UBXN4: variants seen among roughly 807,000 people sequenced by gnomAD.
UBXN4 encodes the protein UBX domain-containing protein 4.
In UBXN4, 35 loss-of-function variants were observed where a neutral mutation model predicts 66.2. That is an observed-to-expected ratio of 0.53 (90% CI 0.40 to 0.70). The LOEUF (loss-of-function observed/expected upper bound fraction) is 0.70, where lower values mean the gene tolerates loss of function less well. Among genes scored for constraint, UBXN4 ranks in the 30% least tolerant of loss-of-function variants. UBXN4 has a pLI of 0.00. For synonymous variants in UBXN4, 203 were observed against 204.5 expected (o/e 0.99, Z 0.06); for missense variants, 533 against 599.8 (o/e 0.89, Z 1.16).
At chr2:135,766,147 C>T (rs1056095101) in intron 6 of UBXN4, among the ~76,000 whole-genome samples, 3 of 150,184 alleles carry the variant, frequency 2.0e-5, no homozygotes, top group African/African-American at 7.3e-5. Context: ...GAGAGAAAAG[C>T]CATCTCAAAA....
Position 135,761,902 on chromosome 2 carries a change from G to T in UBXN4, c.593G>T (p.Arg198Leu), listed in dbSNP as rs561544161. The change falls in exon 6 of 13, where the codon CGA becomes CTA. Residue 198 changes from arginine to leucine, a missense_variant. By Grantham distance (102) the Arg-to-Leu change is moderately radical (BLOSUM62 -2). Around this residue, in one of 2 missense-constraint regions of UBXN4, gnomAD observed 529 missense variants for 580.1 expected, o/e 0.91. Transcript: ENST00000272638. ...DQRPAEDLNI[R>L]VERLTKKLEE... Reference sequence around the variant, plus strand: ...AGACCTGCAGAGGACCTCAACATCCGAGTGGAAAGGTTTGCTCTTCTTTTT... The same window carrying T: ...AGACCTGCAGAGGACCTCAACATCCTAGTGGAAAGGTTTGCTCTTCTTTTT... 2 of 1,611,060 alleles carry T rather than the reference G, an allele frequency of 1.2e-6. No homozygotes were observed. Among genetic ancestry groups the T allele is most frequent in the East Asian group, 2.2e-5 (1 of 44,846 alleles).
At chr2:135,779,712 A>T (rs1475039869) in intron 11 of UBXN4, among the ~76,000 whole-genome samples, 2 of 151,668 alleles carry the variant, frequency 1.3e-5, no homozygotes, top group Non-Finnish European at 2.9e-5. Flanking sequence ...CTTAAAAAAT[A>T]GTTGGCTCAT....
At chr2:135,745,417 CAT>C (rs1169870983) in intron 1 of UBXN4, among the ~76,000 whole-genome samples, 4 of 152,178 alleles carry the variant, frequency 2.6e-5, no homozygotes, top group African/African-American at 9.7e-5. Context: ...TATTTTCTCT[CAT>C]AGATTTCTTT....
At chr2:135,767,519 G>A (rs900266159) in intron 6 of UBXN4, among the ~76,000 whole-genome samples, 5 of 152,266 alleles carry the variant, frequency 3.3e-5, no homozygotes, top group East Asian at 1.9e-4. Context: ...ATCATGCAAC[G>A]TGTATTTTTG....
chr2:135,777,996 T>G (rs1327899670), intron 10 of UBXN4, among the ~76,000 whole-genome samples: 1 of 149,564 alleles, frequency 6.7e-6, no homozygotes, highest in African/African-American at 2.5e-5. Flanking sequence ...GCTAACACGG[T>G]GAAACCCCGT....
chr2:135,768,264 T>C (rs745806066), intron 6 of UBXN4, among the ~76,000 whole-genome samples: 18 of 152,112 alleles, frequency 1.2e-4, no homozygotes, highest in Non-Finnish European at 2.2e-4. Context: ...AGTTTCACCA[T>C]CTCGGCTCAC....
intron 1 of UBXN4, chr2:135,747,660 G>A: frequency 2.2e-6 from 1 of 456,134 alleles, no homozygotes; most frequent in Non-Finnish European, 4.4e-6. Flanking sequence ...CTCTCTAGAC[G>A]GTCTCACTGT....
At chr2:135,742,239 C>G (rs1467054029) in intron 1 of UBXN4, among the ~76,000 whole-genome samples, 1 of 152,210 alleles carries the variant, frequency 6.6e-6, no homozygotes, top group Non-Finnish European at 1.5e-5. Flanking sequence ...CCCCGGGCGC[C>G]CCCAGCCTTT....
chr2:135,769,672 A>G, intron 6 of UBXN4, 97 bp from the exon 7 acceptor site: 1 of 911,208 alleles, frequency 1.1e-6, no homozygotes, highest in African/African-American at 1.7e-5. Context: ...TTGTTTCTTT[A>G]TTTCTCCAAT....
At chr2:135,752,588 G>C (rs17653534) in intron 2 of UBXN4, among the ~76,000 whole-genome samples, 1,718 of 152,274 alleles carry the variant, frequency 0.011, 20 homozygotes, top group South Asian at 0.041. Context: ...TAAGTCGTAG[G>C]CCTTATGTCT....
chr2:135,743,015 G>C (rs927966124), intron 1 of UBXN4, among the ~76,000 whole-genome samples: 20 of 152,070 alleles, frequency 1.3e-4, no homozygotes, highest in African/African-American at 4.8e-4. Flanking sequence ...CTGCCTCTAC[G>C]GTTCTGCTCA....
At chr2:135,759,766 A>ATTTTTTTTTTTTTTTTT (rs10660396) in intron 5 of UBXN4, among the ~76,000 whole-genome samples, 1 of 93,444 alleles carries the variant, frequency 1.1e-5, no homozygotes, top group Non-Finnish European at 2.0e-5. Context: ...TCAATCCAGA[A>ATTTTTTTTTTTTTTTTT]TTTTTTTTTT....
At chr2:135,743,787 T>G (rs912836617) in intron 1 of UBXN4, among the ~76,000 whole-genome samples, 2 of 152,210 alleles carry the variant, frequency 1.3e-5, no homozygotes, top group Non-Finnish European at 2.9e-5. Flanking sequence ...TTAACAAATA[T>G]TAATATTTGG....
At chr2:135,764,924 G>A (rs1027181563) in intron 6 of UBXN4, among the ~76,000 whole-genome samples, 21 of 152,036 alleles carry the variant, frequency 1.4e-4, no homozygotes, top group African/African-American at 4.8e-4. Context: ...AGTGGTCCTC[G>A]TACCTCAGCT....
At chr2:135,769,702 T>C in intron 6 of UBXN4, 67 bp from the exon 7 acceptor site, 3 of 1,170,222 alleles carry the variant, frequency 2.6e-6, no homozygotes, top group Non-Finnish European at 3.5e-6. Context: ...TAAATCCATC[T>C]CCTAAATGTG....
intron 2 of UBXN4, among the ~76,000 whole-genome samples, chr2:135,752,824 G>A (rs1019304975): frequency 5.3e-5 from 8 of 151,736 alleles, no homozygotes; most frequent in African/African-American, 1.5e-4. Flanking sequence ...AGGTTCAAGC[G>A]ATTCTCTTGC....
chr2:135,748,418 G>A lies in UBXN4; in HGVS notation c.185+49G>A, dbSNP rs755286642. On this transcript the variant is annotated intron_variant, in intron 2 of 12. Coordinates refer to ENST00000272638, the MANE Select transcript of UBXN4 (RefSeq NM_014607.4). Reference sequence around the variant, plus strand: ...ATTAATTTTAAAATTTATAAGTATTGTCTTTGATTTATAGTGATACTCTTG... The same window carrying A: ...ATTAATTTTAAAATTTATAAGTATTATCTTTGATTTATAGTGATACTCTTG... 2.5e-5 allele frequency: 34 copies of A among 1,364,330 alleles called. No individual in the cohort carries two copies. In the Admixed American group the frequency reaches 7.3e-4, roughly 29 times the overall value. The allele number at this position is 1,364,330 out of a possible 1,614,324, so 84.5% of individuals were successfully genotyped here.
At chr2:135,753,205 G>A (rs545414769) in intron 2 of UBXN4, among the ~76,000 whole-genome samples, 1 of 151,780 alleles carries the variant, frequency 6.6e-6, no homozygotes, top group Non-Finnish European at 1.5e-5. Flanking sequence ...TGTATTTTTA[G>A]TAGAGACGGG....
intron 2 of UBXN4, among the ~76,000 whole-genome samples, chr2:135,751,287 C>T (rs375471142): frequency 5.9e-5 from 9 of 151,778 alleles, no homozygotes; most frequent in African/African-American, 7.3e-5. Context: ...CCCGGGCTCA[C>T]GGCATTCTCC....
Sources: allele counts gnomAD v4.1 joint callset (sites outside exome capture counted in the v4.1 genomes callset), GRCh38; gene constraint gnomAD v4.1.1; regional missense constraint gnomAD v4.1.1; transcripts MANE v1.5; gene names NCBI Gene and HGNC (gene_info 2026-07-23, HGNC 2026-07-21).